ETV6: variants seen among roughly 807,000 people sequenced by gnomAD.
ETV6 encodes the protein ETS variant transcription factor 6, also known as transcription factor ETV6.
ETV6 carries 16 observed loss-of-function variants against 51.1 expected under a neutral mutation model. The observed-to-expected ratio is 0.31, with a 90% CI of 0.21 to 0.48. ETV6 has a LOEUF of 0.48. ETV6 is among the 20% of genes least tolerant of loss of function. ETV6 has a pLI of 0.99. For synonymous variants in ETV6, 240 were observed against 224.1 expected (o/e 1.07, Z -0.64); for missense variants, 458 against 594.8 (o/e 0.77, Z 2.39).
chr12:11,819,826 T>C (rs1044768496), intron 2 of ETV6, among the ~76,000 whole-genome samples: 1 of 152,262 alleles, frequency 6.6e-6, no homozygotes, highest in African/African-American at 2.4e-5. Flanking sequence ...CTGGCCGCCT[T>C]GTACCAGTCT....
At chr12:11,749,459 C>T (rs745984167) in intron 1 of ETV6, among the ~76,000 whole-genome samples, 4 of 152,084 alleles carry the variant, frequency 2.6e-5, no homozygotes, top group Non-Finnish European at 5.9e-5. Context: ...TTGTTGGGGT[C>T]GCACCAGAGA....
rs551440946 is a variant in ETV6, at chr12:11,839,529, G to T, written c.328+225G>T. On this transcript the variant is annotated intron_variant, in intron 3 of 7. Transcript: ENST00000396373. ...GGGGGAGAATTTTAAGTTTAGGAGA[G>T]GAACCCAGTTTAGTCCTACGTACAC... 5.9e-5 allele frequency among the ~76,000 whole-genome samples: 9 copies of T among 152,330 alleles called. No individual in the cohort carries two copies. The South Asian group carries it at 1.7e-3, about 28-fold the overall frequency.
intron 1 of ETV6, among the ~76,000 whole-genome samples, chr12:11,743,586 T>G (rs1865850855): frequency 6.6e-6 from 1 of 152,178 alleles, no homozygotes; most frequent in South Asian, 2.1e-4. Flanking sequence ...TCAGCGGTTC[T>G]CCACACTCTC....
intron 2 of ETV6, among the ~76,000 whole-genome samples, chr12:11,756,424 T>A (rs191011835): frequency 6.6e-6 from 1 of 152,214 alleles, no homozygotes; most frequent in African/African-American, 2.4e-5. Context: ...GTACTGAATT[T>A]TTTTTGAAGC....
intron 5 of ETV6, among the ~76,000 whole-genome samples, chr12:11,883,781 A>AAAAC (rs771426206): frequency 1.6e-4 from 25 of 152,308 alleles, no homozygotes; most frequent in Non-Finnish European, 2.8e-4. Context: ...CCACTATATC[A>AAAAC]AAACATTTTT....
chr12:11,746,492 C>T (rs1865911240), intron 1 of ETV6, among the ~76,000 whole-genome samples: 1 of 152,184 alleles, frequency 6.6e-6, no homozygotes, highest in African/African-American at 2.4e-5. Context: ...CTGATTGTGG[C>T]AGTGACTGTA....
chr12:11,739,360 G>C (rs1293055955), intron 1 of ETV6, among the ~76,000 whole-genome samples: 2 of 152,212 alleles, frequency 1.3e-5, no homozygotes, highest in African/African-American at 4.8e-5. Context: ...ACTCATCCCT[G>C]TGAGGTGCTG....
intron 2 of ETV6, among the ~76,000 whole-genome samples, chr12:11,828,415 A>G (rs1355945224): frequency 6.6e-6 from 1 of 152,196 alleles, no homozygotes; most frequent in Admixed American, 6.5e-5. Flanking sequence ...CCCCACTTCT[A>G]AGTGAGAAGA....
rs1354000593 is a variant in ETV6, at chr12:11,893,819, TATATATATATATATATATATATACACAC to T, written c.*2775_*2802del. The T allele has an allele frequency of 3.9e-3, 496 of 126,382 alleles. 14 individuals are homozygous for T. The highest frequency in any genetic ancestry group is 0.023 in the African/African-American group (467 of 20,400). 7.8% of individuals were successfully genotyped at this position (126,382 alleles called of 1,614,324 possible). ...TTATATATATATATATATATATATA[TATATATATATATATATATATATACACAC>T]ACACACACATACACAAATATTCCAG... is the stretch of plus-strand genomic sequence containing the variant. On this transcript the variant is annotated 3_prime_UTR_variant, in exon 8 of 8. Coordinates refer to ENST00000396373, the MANE Select transcript of ETV6 (RefSeq NM_001987.5).
chr12:11,730,880 C>T (rs1429770959), intron 1 of ETV6, among the ~76,000 whole-genome samples: 2 of 152,170 alleles, frequency 1.3e-5, no homozygotes, highest in East Asian at 1.9e-4. Context: ...CAGAGACACA[C>T]GTTTCCCAAA....
At chr12:11,720,499 A>G (rs1484091307) in intron 1 of ETV6, among the ~76,000 whole-genome samples, 1 of 152,236 alleles carries the variant, frequency 6.6e-6, no homozygotes, top group African/African-American at 2.4e-5. Context: ...TTATTCATAA[A>G]TGGTGCTGGG....
chr12:11,894,685 G>A lies in ETV6; in HGVS notation c.*3639G>A, dbSNP rs779471540. On this transcript the variant is annotated 3_prime_UTR_variant, in exon 8 of 8. Transcript: ENST00000396373. ...GTAACCACCATTCCCACCTTTCACT[G>A]CCTAGGCTCCAAGTCTGAATACATT... 1 of 233,162 alleles carries A rather than the reference G, an allele frequency of 4.3e-6. No individual in the cohort carries two copies. The highest frequency in any genetic ancestry group is 5.6e-5 in the Admixed American group (1 of 17,794). 14.4% of individuals were successfully genotyped at this position (233,162 alleles called of 1,614,324 possible). A position where few individuals can be genotyped will look rare whatever the true frequency, so the allele number is the denominator to read the frequency against.
intron 1 of ETV6, among the ~76,000 whole-genome samples, chr12:11,740,330 CCTT>C (rs1297342122): frequency 2.0e-5 from 3 of 152,198 alleles, no homozygotes; most frequent in African/African-American, 7.2e-5. Context: ...CAGAGTCCCT[CCTT>C]CAACTTTTTT....
At chr12:11,812,511 C>G (rs184661953) in intron 2 of ETV6, among the ~76,000 whole-genome samples, 4 of 152,170 alleles carry the variant, frequency 2.6e-5, no homozygotes, top group Non-Finnish European at 5.9e-5. Context: ...CCTCTCACTC[C>G]GACACTTTTG....
chr12:11,737,117 G>C (rs1012884768), intron 1 of ETV6, among the ~76,000 whole-genome samples: 5 of 152,194 alleles, frequency 3.3e-5, no homozygotes, highest in Admixed American at 3.3e-4. Context: ...GGAAATCAAA[G>C]TCCAAGCTCC....
At chr12:11,715,126 G>A (rs990100253) in intron 1 of ETV6, among the ~76,000 whole-genome samples, 1 of 152,122 alleles carries the variant, frequency 6.6e-6, no homozygotes, top group Non-Finnish European at 1.5e-5. Flanking sequence ...AATTCTTGGG[G>A]TGACATCAAA....
intron 1 of ETV6, among the ~76,000 whole-genome samples, chr12:11,684,448 G>GT (rs1285991564): frequency 6.6e-6 from 1 of 152,140 alleles, no homozygotes; most frequent in Non-Finnish European, 1.5e-5. Flanking sequence ...AATATTACCT[G>GT]TTTCATTTTT....
intron 2 of ETV6, among the ~76,000 whole-genome samples, chr12:11,802,950 T>C (rs746466137): frequency 3.3e-5 from 5 of 152,246 alleles, no homozygotes; most frequent in Non-Finnish European, 5.9e-5. Flanking sequence ...AATTGACTCC[T>C]TGTCTTCAAT....
intron 1 of ETV6, among the ~76,000 whole-genome samples, chr12:11,652,573 C>T (rs1055578769): frequency 6.6e-6 from 1 of 152,160 alleles, no homozygotes; most frequent in Non-Finnish European, 1.5e-5. Flanking sequence ...ACAAAAGGCT[C>T]TCACTGTGGA....
Sources: gnomAD v4.1 joint callset for allele counts (sites outside exome capture counted in the v4.1 genomes callset) on GRCh38, gnomAD v4.1.1 for gene constraint, MANE v1.5 for transcripts, NCBI Gene and HGNC (gene_info 2026-07-23, HGNC 2026-07-21) for gene names.